Variants in NBEA observed in about 807,000 individuals in gnomAD.
NBEA encodes the protein lysosomal-trafficking regulator 2.
A neutral mutation model predicts 343.4 loss-of-function variants in NBEA; 44 were observed. That is an observed-to-expected ratio of 0.13 (90% CI 0.10 to 0.16). The LOEUF is 0.16. Ranked by LOEUF, NBEA falls within the 10% of genes least tolerant of loss-of-function variation. The pLI, the probability that NBEA is intolerant of heterozygous loss-of-function variation, is 1.00. For missense variants in NBEA, 2,555 were observed against 3,631.3 expected, an observed-to-expected ratio of 0.70 and a Z score of 7.62; for synonymous variants, 1,175 against 1,238.7, an observed-to-expected ratio of 0.95 and a Z score of 1.08.
intron 38 of NBEA, among the ~76,000 whole-genome samples, chr13:35,353,573 T>G (rs535214197): frequency 1.0e-3 from 156 of 152,284 alleles, no homozygotes; most frequent in African/African-American, 3.5e-3. Flanking sequence ...TTATAACATG[T>G]GTCTTTAAAA....
At chr13:35,148,126 T>C (rs2068548902) in intron 18 of NBEA, among the ~76,000 whole-genome samples, 2 of 152,160 alleles carry the variant, frequency 1.3e-5, no homozygotes, top group African/African-American at 4.8e-5. Context: ...TGACCCCAGC[T>C]GGTGTTCGGG....
chr13:34,973,553 C>T (rs1375118806), intron 1 of NBEA, among the ~76,000 whole-genome samples: 1 of 152,122 alleles, frequency 6.6e-6, no homozygotes, highest in Non-Finnish European at 1.5e-5. Flanking sequence ...ACGGATCAGT[C>T]TGGTCATGTT....
chr13:35,473,638 A>C (rs1463321049), intron 41 of NBEA, among the ~76,000 whole-genome samples: 1 of 152,192 alleles, frequency 6.6e-6, no homozygotes, highest in African/African-American at 2.4e-5. Context: ...ATGAGCTTGA[A>C]TGCACTGTAT....
At chr13:35,387,511 A>G (rs2042298825) in intron 38 of NBEA, among the ~76,000 whole-genome samples, 1 of 152,148 alleles carries the variant, frequency 6.6e-6, no homozygotes, top group Non-Finnish European at 1.5e-5. Flanking sequence ...AAAACAAAAA[A>G]CTGACAACAC....
chr13:35,425,975 G>A (rs914871635), intron 38 of NBEA, among the ~76,000 whole-genome samples: 1 of 151,818 alleles, frequency 6.6e-6, no homozygotes, highest in Non-Finnish European at 1.5e-5. Context: ...GCAACCCCTG[G>A]CTTTTTCTGT....
chr13:35,334,610 T>C (rs1355317087), intron 36 of NBEA, among the ~76,000 whole-genome samples: 1 of 152,180 alleles, frequency 6.6e-6, no homozygotes, highest in Admixed American at 6.6e-5. Context: ...TGATCAGTGA[T>C]GTTGAACACC....
intron 1 of NBEA, among the ~76,000 whole-genome samples, chr13:35,007,542 AGTGCAGTGGC>A (rs2061358101): frequency 1.3e-5 from 2 of 152,046 alleles, no homozygotes. Context: ...CCCATGCTGG[AGTGCAGTGGC>A]GTGATCTCAC....
intron 38 of NBEA, among the ~76,000 whole-genome samples, chr13:35,373,728 T>TAATAATAATAATAATAATAATAATAAC (rs771571446): frequency 6.6e-6 from 1 of 151,298 alleles, no homozygotes; most frequent in Non-Finnish European, 1.5e-5. Flanking sequence ...ATAATAATAA[T>TAATAATAATAATAATAATAATAATAAC]AACAAAAACC....
intron 53 of NBEA, among the ~76,000 whole-genome samples, 193 bp downstream of exon 53, chr13:35,652,069 T>G (rs1407840396): frequency 6.6e-6 from 1 of 152,162 alleles, no homozygotes; most frequent in Non-Finnish European, 1.5e-5. Flanking sequence ...AGCAATCGTT[T>G]CTTGATATTT....
intron 17 of NBEA, among the ~76,000 whole-genome samples, chr13:35,129,658 A>G (rs1007882077): frequency 2.0e-5 from 3 of 152,090 alleles, no homozygotes; most frequent in Non-Finnish European, 4.4e-5. Flanking sequence ...ATGGCTAATA[A>G]GAGTTATAGA....
intron 41 of NBEA, among the ~76,000 whole-genome samples, chr13:35,512,076 A>G (rs935765092): frequency 5.9e-5 from 9 of 152,222 alleles, no homozygotes; most frequent in African/African-American, 1.9e-4. Flanking sequence ...TAAAACCTCA[A>G]TGTCTAAAAG....
At chr13:35,013,458 T>C (rs2061551984) in intron 1 of NBEA, among the ~76,000 whole-genome samples, 1 of 152,078 alleles carries the variant, frequency 6.6e-6, no homozygotes, top group Non-Finnish European at 1.5e-5. Flanking sequence ...TTTATTAGCA[T>C]GAATTAAACA....
intron 31 of NBEA, among the ~76,000 whole-genome samples, chr13:35,203,112 A>G (rs936494201): frequency 5.3e-5 from 8 of 152,180 alleles, no homozygotes; most frequent in African/African-American, 1.9e-4. Flanking sequence ...TCTGTGACAT[A>G]GCAGCCAGAG....
intron 17 of NBEA, among the ~76,000 whole-genome samples, chr13:35,126,657 G>T (rs527523720): frequency 6.6e-6 from 1 of 152,120 alleles, no homozygotes; most frequent in Non-Finnish European, 1.5e-5. Context: ...GCTGGCTCAT[G>T]CCTGTAATCC....
intron 39 of NBEA, among the ~76,000 whole-genome samples, chr13:35,437,627 ATG>A (rs2045512541): frequency 1.3e-5 from 2 of 152,126 alleles, no homozygotes; most frequent in African/African-American, 4.8e-5. Context: ...CGTGTATTTA[ATG>A]TGTTATTTAG....
chr13:35,218,673 CTT>C (rs1426201899), intron 33 of NBEA, among the ~76,000 whole-genome samples: 1 of 151,808 alleles, frequency 6.6e-6, no homozygotes, highest in Non-Finnish European at 1.5e-5. Context: ...TTATACATCT[CTT>C]ATATTTGTAA....
intron 48 of NBEA, among the ~76,000 whole-genome samples, chr13:35,616,389 CTG>C (rs1311186888): frequency 2.0e-5 from 3 of 152,178 alleles, no homozygotes; most frequent in Non-Finnish European, 4.4e-5. Flanking sequence ...TATTTGCAAA[CTG>C]TCTGTATCTG....
rs1245585119 is a variant in NBEA at position 34,942,744 on chromosome 13, G to A, written c.-77G>A. 2 of 1,189,358 alleles carry A rather than the reference G, an allele frequency of 1.7e-6. No homozygotes were observed. Among genetic ancestry groups the A allele is most frequent in the African/African-American group, 1.6e-5 (1 of 62,998 alleles). The allele number at this position is 1,189,358 out of a possible 1,614,324, so 73.7% of individuals were successfully genotyped here. On this transcript the variant is annotated 5_prime_UTR_variant, in exon 1 of 59. Transcript: ENST00000379939. Reference sequence around the variant, plus strand: ...GGGGCTCCGAGGCGACGGCCGGGGGGCGGGGGCCGAGGCAGGTATAACGGT... The same window carrying A: ...GGGGCTCCGAGGCGACGGCCGGGGGACGGGGGCCGAGGCAGGTATAACGGT...
At position 35,171,261 on chromosome 13, in the gene NBEA, CT is replaced by C. The variant is rs1566403617; in HGVS notation, c.4243-5del. The C allele has an allele frequency of 3.1e-6, 5 of 1,604,604 alleles. No individual in the cohort carries two copies. The highest frequency in any genetic ancestry group is 1.3e-5 in the African/African-American group (1 of 74,610). On this transcript the variant is annotated splice_polypyrimidine_tract_variant and intron_variant, in intron 25 of 58. Coordinates refer to ENST00000379939, the MANE Select transcript of NBEA (RefSeq NM_001385012.1). Reference sequence around the variant, plus strand: ...TTTTAAACAAGACTTAAATCTTCTACTTTTTTAAAGACGGAATTGGAAAATA... The same window carrying C: ...TTTTAAACAAGACTTAAATCTTCTACTTTTTAAAGACGGAATTGGAAAATA...
Sources: gnomAD v4.1 joint callset for allele counts (sites outside exome capture counted in the v4.1 genomes callset) on GRCh38, gnomAD v4.1.1 for gene constraint, MANE v1.5 for transcripts, NCBI Gene and HGNC (gene_info 2026-07-23, HGNC 2026-07-21) for gene names.